Variants in AMZ2 observed in about 807,000 individuals in gnomAD.
AMZ2 encodes the protein archaemetzincin-2.
In AMZ2, 26 loss-of-function variants were observed where a neutral mutation model predicts 36.7. That is an observed-to-expected ratio of 0.71 (90% CI 0.52 to 0.98). AMZ2 has a LOEUF of 0.98. Ranked by LOEUF, AMZ2 falls within the 50% of genes least tolerant of loss-of-function variation. The pLI, the probability that AMZ2 is intolerant of heterozygous loss-of-function variation, is 0.00. For missense variants in AMZ2, 394 were observed against 430.5 expected, an observed-to-expected ratio of 0.92 and a Z score of 0.75; for synonymous variants, 144 against 149.1, an observed-to-expected ratio of 0.97 and a Z score of 0.25.
chr17:68,219,860 T>A (rs1311179875), intron 1 of AMZ2, among the ~76,000 whole-genome samples: 2 of 152,138 alleles, frequency 1.3e-5, no homozygotes, highest in Admixed American at 1.3e-4. Flanking sequence ...AAGCTATTAT[T>A]GTTCATAGAT....
At chr17:68,229,125 C>G (rs1343126190) in intron 1 of AMZ2, among the ~76,000 whole-genome samples, 1 of 152,334 alleles carries the variant, frequency 6.6e-6, no homozygotes, top group East Asian at 1.9e-4. Flanking sequence ...TCCACCCTCC[C>G]TTTTTGCTAC....
At chr17:68,250,685 AAAAT>A in intron 2 of AMZ2, 105 bp from the exon 3 acceptor site, 2 of 1,233,616 alleles carry the variant, frequency 1.6e-6, no homozygotes, top group Non-Finnish European at 2.2e-6. Context: ...AAGGTTATTG[AAAAT>A]TTAGAGTTGG....
chr17:68,214,760 C>A (rs530307967), intron 1 of AMZ2, among the ~76,000 whole-genome samples: 1 of 151,636 alleles, frequency 6.6e-6, no homozygotes, highest in East Asian at 1.9e-4. Flanking sequence ...GTGTCTCCTA[C>A]TTTATCCTTA....
At chr17:68,239,244 A>G (rs2073853926) in intron 1 of AMZ2, among the ~76,000 whole-genome samples, 1 of 152,094 alleles carries the variant, frequency 6.6e-6, no homozygotes, top group South Asian at 2.1e-4. Flanking sequence ...CCCTTTTGGC[A>G]TCCAGGTCCA....
At chr17:68,222,879 C>T (rs1438329767) in intron 1 of AMZ2, among the ~76,000 whole-genome samples, 1 of 152,152 alleles carries the variant, frequency 6.6e-6, no homozygotes, top group African/African-American at 2.4e-5. Flanking sequence ...AAACTATGGA[C>T]CAATACGGGT....
chr17:68,249,660 G>GTT (rs111617003), intron 1 of AMZ2: 5 of 135,524 alleles, frequency 3.7e-5, no homozygotes, highest in Non-Finnish European at 6.4e-5. Context: ...TCACCGTGAG[G>GTT]TTTTTTTTTT....
intron 1 of AMZ2, among the ~76,000 whole-genome samples, chr17:68,211,119 A>G (rs1387132685): frequency 6.6e-6 from 1 of 152,204 alleles, no homozygotes; most frequent in East Asian, 1.9e-4. Flanking sequence ...GCAAATTCAC[A>G]GGAAGTAAGT....
At chr17:68,245,220 A>AC (rs2073977031), upstream of AMZ2, among the ~76,000 whole-genome samples, 3 of 149,774 alleles carry the variant, frequency 2.0e-5, no homozygotes, top group South Asian at 2.1e-4. Flanking sequence ...AAAAAACCTA[A>AC]CCCCCCCGAA....
At chr17:68,218,272 C>T (rs2073253589) in intron 1 of AMZ2, among the ~76,000 whole-genome samples, 1 of 152,172 alleles carries the variant, frequency 6.6e-6, no homozygotes, top group Non-Finnish European at 1.5e-5. Flanking sequence ...TTAGGACCTA[C>T]TAAAATAGAA....
At chr17:68,246,195 C>CAAAAAAAAAA (rs57477453), upstream of AMZ2, among the ~76,000 whole-genome samples, 1,147 of 83,570 alleles carry the variant, frequency 0.014, 25 homozygotes, top group South Asian at 0.022. Context: ...ACTAAAAATA[C>CAAAAAAAAAA]AAAAAAAAAA....
chr17:68,209,247 G>A (rs1217095335), intron 1 of AMZ2, among the ~76,000 whole-genome samples: 16 of 149,968 alleles, frequency 1.1e-4, no homozygotes, highest in African/African-American at 4.0e-4. Context: ...AGGCTGGAGT[G>A]CAATGGCGCG....
chr17:68,256,913 G>C lies in AMZ2; in HGVS notation c.1027G>C (p.Ala343Pro), dbSNP rs542410338. 5 of 1,614,200 alleles carry C rather than the reference G, an allele frequency of 3.1e-6. No homozygotes were observed. The Admixed American group carries it at 6.7e-5, about 22-fold the overall frequency. Residue 343 changes from alanine to proline, a missense_variant, in exon 7 of 7, where the codon GCC becomes CCC. Coordinates refer to ENST00000359904, the MANE Select transcript of AMZ2 (RefSeq NM_016627.5). ...DNGNLPKPVE[A>P]FKEWKEWIIK... is the part of the protein sequence containing the mutation. Reference sequence around the variant, plus strand: ...TGGGAATTTACCGAAACCCGTGGAAGCCTTTAAGGAATGGAAAGAGTGGAT... The same window carrying C: ...TGGGAATTTACCGAAACCCGTGGAACCCTTTAAGGAATGGAAAGAGTGGAT...
At chr17:68,213,828 T>TGG (rs1214748986) in intron 1 of AMZ2, among the ~76,000 whole-genome samples, 1 of 151,762 alleles carries the variant, frequency 6.6e-6, no homozygotes, top group Non-Finnish European at 1.5e-5. Flanking sequence ...TTTTTCTTTT[T>TGG]GGGGTATTTG....
intron 1 of AMZ2, among the ~76,000 whole-genome samples, chr17:68,238,565 A>G (rs574664003): frequency 1.1e-4 from 15 of 141,946 alleles, no homozygotes; most frequent in African/African-American, 4.1e-4. Flanking sequence ...AAGAGTGCAT[A>G]TAGATATACA....
At position 68,221,220 on chromosome 17, in the gene AMZ2, C is replaced by G. The variant is rs1407636213; in HGVS notation, c.-67+14982C>G. 2.2e-5 allele frequency among the ~76,000 whole-genome samples: 2 copies of G among 91,404 alleles called. 1 individual carries two copies. The highest frequency in any genetic ancestry group is 4.4e-5 in the Non-Finnish European group (2 of 45,568). 60.0% of individuals were successfully genotyped at this position (91,404 alleles called of 152,430 possible). Reference sequence around the variant, plus strand: ...CCTCAGCCCTCAGCTCCCCCCCCCGCCCCCCCGGTAGCTAGGACCCCAAGT... The same window carrying G: ...CCTCAGCCCTCAGCTCCCCCCCCCGGCCCCCCGGTAGCTAGGACCCCAAGT... On this transcript the variant is annotated intron_variant, in intron 1 of 7. Coordinates refer to the AMZ2 transcript ENST00000674770.
intron 1 of AMZ2, chr17:68,207,317 C>CCCCCG (rs2072868242): frequency 7.7e-6 from 1 of 130,012 alleles, no homozygotes; most frequent in Admixed American, 7.5e-5. Context: ...TTAAATACCC[C>CCCCCG]CCCCCCACAA....
At position 68,250,835 on chromosome 17, in the gene AMZ2, A is replaced by C; in HGVS notation, c.325A>C (p.Lys109Gln). The change falls in exon 3 of 7, where the codon AAA (lysine) becomes CAA (glutamine). Residue 109 changes from lysine to glutamine, a missense_variant. By Grantham distance (53) the Lys-to-Gln change is moderately conservative. Transcript: ENST00000359904. ...CAGAATTATCAGTGAAGAATATATTAAATGGCTCACGGGCTACTGTAAAGC... is the reference window on the plus strand; with the variant it reads ...CAGAATTATCAGTGAAGAATATATTCAATGGCTCACGGGCTACTGTAAAGC... ...NTRIISEEYIKWLTGYCKAYF... is the reference protein window; with the variant it reads ...NTRIISEEYIQWLTGYCKAYF... 1.3e-6 allele frequency: 2 copies of C among 1,595,810 alleles called. No individual in the cohort carries two copies. Among genetic ancestry groups the C allele is most frequent in the Non-Finnish European group, 8.5e-7 (1 of 1,175,592 alleles).
At chr17:68,219,818 G>A (rs1431608155) in intron 1 of AMZ2, among the ~76,000 whole-genome samples, 1 of 151,914 alleles carries the variant, frequency 6.6e-6, no homozygotes, top group East Asian at 1.9e-4. Context: ...GTAGGCATGA[G>A]CCACCTCGCC....
chr17:68,253,789 C>G (rs2074677841), intron 4 of AMZ2, among the ~76,000 whole-genome samples: 1 of 149,712 alleles, frequency 6.7e-6, no homozygotes, highest in South Asian at 2.1e-4. Flanking sequence ...GAGTATCACT[C>G]TATCGTCAGG....
Sources: allele counts gnomAD v4.1 joint callset (sites outside exome capture counted in the v4.1 genomes callset), GRCh38; gene constraint gnomAD v4.1.1; transcripts MANE v1.5; gene names NCBI Gene and HGNC (gene_info 2026-07-23, HGNC 2026-07-21).